ABCC1: variants seen among roughly 807,000 people sequenced by gnomAD.
ABCC1 encodes ATP binding cassette subfamily C member 1 (ABCC1 blood group), also known as multidrug resistance-associated protein 1.
Under a neutral mutation model 172.9 loss-of-function variants are expected in ABCC1, and 83 were observed. The observed-to-expected ratio is 0.48, with a 90% CI of 0.40 to 0.58. The LOEUF (loss-of-function observed/expected upper bound fraction) is 0.58, where lower values mean the gene tolerates loss of function less well. Among genes scored for constraint, ABCC1 ranks in the 20% least tolerant of loss-of-function variants. ABCC1 has a pLI of 0.00. For missense variants in ABCC1, 1,817 were observed against 2,002.7 expected, an observed-to-expected ratio of 0.91 and a Z score of 1.77; for synonymous variants, 937 against 825.2, an observed-to-expected ratio of 1.14 and a Z score of -2.32.
Position 15,999,288 on chromosome 16 carries a change from A to G in ABCC1, c.49-8528A>G, listed in dbSNP as rs977341068. Among the ~76,000 whole-genome samples, 9 of 152,084 alleles carry G rather than the reference A, an allele frequency of 5.9e-5. No homozygotes were observed. In the South Asian group the frequency reaches 1.2e-3, roughly 21 times the overall value. ...CCGAAGTGCTGGGTTTACAGGCGTG[A>G]GCCACTGTGCCCAGCCAAAAAAATT... On this transcript the variant is annotated intron_variant, in intron 1 of 30. Coordinates refer to ENST00000399410, the MANE Select transcript of ABCC1 (RefSeq NM_004996.4).
At chr16:16,108,062 C>T (rs1216333446) in intron 21 of ABCC1, among the ~76,000 whole-genome samples, 1 of 152,002 alleles carries the variant, frequency 6.6e-6, no homozygotes, top group Non-Finnish European at 1.5e-5. Context: ...GGTGTCCTCT[C>T]TCGCCTTACC....
intron 10 of ABCC1, among the ~76,000 whole-genome samples, chr16:16,051,111 CT>C: frequency 6.6e-6 from 1 of 151,338 alleles, no homozygotes; most frequent in East Asian, 1.9e-4. Context: ...ACTGTTGACA[CT>C]TGGGGCCAGA....
intron 17 of ABCC1, among the ~76,000 whole-genome samples, chr16:16,084,567 T>C (rs2050935926): frequency 6.7e-6 from 1 of 148,692 alleles, no homozygotes; most frequent in Admixed American, 6.8e-5. Flanking sequence ...TTTCACCATG[T>C]TGGCCAGGTT....
intron 26 of ABCC1, among the ~76,000 whole-genome samples, chr16:16,128,163 G>A (rs1016424560): frequency 2.4e-5 from 3 of 124,058 alleles, no homozygotes; most frequent in Non-Finnish European, 3.4e-5. Context: ...CAGTTAAAGC[G>A]TTCAGTTAGA....
intron 4 of ABCC1, 91 bp downstream of exon 4, chr16:16,014,719 C>T (rs987404212): frequency 5.4e-6 from 8 of 1,478,452 alleles, no homozygotes; most frequent in Non-Finnish European, 7.4e-6. Context: ...TCATGCGTTG[C>T]CATGGGAACC....
intron 13 of ABCC1, among the ~76,000 whole-genome samples, chr16:16,069,727 G>C (rs1012927853): frequency 6.6e-6 from 1 of 150,444 alleles, no homozygotes; most frequent in Non-Finnish European, 1.5e-5. Flanking sequence ...AAAAGAAAAA[G>C]AAAAAGAAAA....
At chr16:16,124,335 G>GTGTGTGTGTGTGTGTGTGTATA (rs766911904) in intron 24 of ABCC1, among the ~76,000 whole-genome samples, 1 of 87,930 alleles carries the variant, frequency 1.1e-5, no homozygotes, top group African/African-American at 4.5e-5. Context: ...GTGTGTGTGT[G>GTGTGTGTGTGTGTGTGTGTATA]TGTGTGTGTG....
At chr16:15,959,699 G>A (rs1233405052) in intron 1 of ABCC1, among the ~76,000 whole-genome samples, 1 of 152,188 alleles carries the variant, frequency 6.6e-6, no homozygotes, top group Non-Finnish European at 1.5e-5. Context: ...AGAAGTGGAC[G>A]ATTACAAAGT....
At position 16,071,738 on chromosome 16, in the gene ABCC1, G is replaced by T; in HGVS notation, c.1912+9G>T. 6.2e-7 allele frequency: 1 copy of T among 1,611,836 alleles called. No individual in the cohort carries two copies. The highest frequency in any genetic ancestry group is 1.6e-4 in the Middle Eastern group (1 of 6,062). Reference sequence around the variant, plus strand: ...ACGGCCTGTCAAAGACGGTGTGTGTGTGTTCAGTCCTGGCTTCTGGAAGTG... The same window carrying T: ...ACGGCCTGTCAAAGACGGTGTGTGTTTGTTCAGTCCTGGCTTCTGGAAGTG... On this transcript the variant is annotated intron_variant, in intron 14 of 30. Transcript: ENST00000399410.
chr16:16,140,762 C>G (rs998995791), intron 30 of ABCC1, among the ~76,000 whole-genome samples: 1 of 152,228 alleles, frequency 6.6e-6, no homozygotes, highest in African/African-American at 2.4e-5. Context: ...ACTATAAATA[C>G]AGCAGAGATG....
intron 26 of ABCC1, among the ~76,000 whole-genome samples, chr16:16,129,877 TC>T (rs2045608055): frequency 6.6e-6 from 1 of 152,202 alleles, no homozygotes; most frequent in African/African-American, 2.4e-5. Context: ...GGGCTGCATG[TC>T]TTGCCTAAAA....
intron 1 of ABCC1, among the ~76,000 whole-genome samples, chr16:15,951,413 T>C (rs532813175): frequency 1.3e-5 from 2 of 152,302 alleles, no homozygotes; most frequent in East Asian, 1.9e-4. Context: ...TTTTCTTTTT[T>C]CTTTTTATTT....
intron 26 of ABCC1, among the ~76,000 whole-genome samples, chr16:16,131,136 A>G (rs3851719): frequency 2.0e-5 from 3 of 152,172 alleles, no homozygotes; most frequent in African/African-American, 7.2e-5. Context: ...AAAAAGAACA[A>G]TGTCTATACA....
intron 1 of ABCC1, among the ~76,000 whole-genome samples, chr16:16,003,751 A>T (rs7404359): frequency 3.4e-5 from 1 of 29,142 alleles, no homozygotes; most frequent in African/African-American, 1.3e-4. Context: ...GTGGATGTAT[A>T]AATGAATTGG....
chr16:15,981,308 G>A (rs931638536), intron 1 of ABCC1, among the ~76,000 whole-genome samples: 1 of 152,184 alleles, frequency 6.6e-6, no homozygotes, highest in African/African-American at 2.4e-5. Context: ...GACTGTATGG[G>A]GCCTCTGGCC....
At chr16:16,004,860 A>C (rs2047464641) in intron 1 of ABCC1, among the ~76,000 whole-genome samples, 1 of 106,090 alleles carries the variant, frequency 9.4e-6, no homozygotes, top group African/African-American at 2.9e-5. Flanking sequence ...TTATGTTTTT[A>C]TGGGGGGTTC....
intron 17 of ABCC1, 125 bp downstream of exon 17, chr16:16,083,667 G>T (rs1252498252): frequency 1.6e-6 from 2 of 1,272,560 alleles, no homozygotes; most frequent in Non-Finnish European, 2.2e-6. Context: ...CAGCTGGGCG[G>T]CTCTGCTGCA....
In ABCC1 at chr16:16,131,771, CCTTCA is replaced by C; in HGVS notation, c.3820-15_3820-11del. 1 of 1,609,910 alleles carries C rather than the reference CCTTCA, an allele frequency of 6.2e-7. No homozygotes were observed. The highest frequency in any genetic ancestry group is 8.5e-7 in the Non-Finnish European group (1 of 1,178,872). On this transcript the variant is annotated splice_polypyrimidine_tract_variant and intron_variant, in intron 26 of 30. Transcript: ENST00000399410. ...TGGACTGGAAATTCCTTACTCTCTC[CCTTCA>C]CTGCGATCGAAGGCGCCCTGGCAAA...
chr16:15,958,348 C>A (rs1217884454), intron 1 of ABCC1, among the ~76,000 whole-genome samples: 2 of 151,568 alleles, frequency 1.3e-5, no homozygotes, highest in African/African-American at 2.4e-5. Flanking sequence ...TCAAGTGGAT[C>A]ACTTGAGTTC....
Sources: allele counts gnomAD v4.1 joint callset (sites outside exome capture counted in the v4.1 genomes callset), GRCh38; gene constraint gnomAD v4.1.1; transcripts MANE v1.5; gene names NCBI Gene and HGNC (gene_info 2026-07-23, HGNC 2026-07-21).